The following CYP4X1 variants were observed in gnomAD, a reference collection of about 807,000 sequenced individuals.
CYP4X1 encodes the protein cytochrome P450 4X1.
Under a neutral mutation model 57.9 loss-of-function variants are expected in CYP4X1, and 44 were observed. That is an observed-to-expected ratio of 0.76 (90% confidence interval 0.60 to 0.98). The LOEUF (loss-of-function observed/expected upper bound fraction) is 0.98, where lower values mean the gene tolerates loss of function less well. Among genes scored for constraint, CYP4X1 ranks in the 50% least tolerant of loss-of-function variants. The pLI, the probability that CYP4X1 is intolerant of heterozygous loss-of-function variation, is 0.00. For synonymous variants in CYP4X1, 227 were observed against 228.6 expected, an observed-to-expected ratio of 0.99 and a Z score of 0.06; for missense variants, 532 against 623.9, an observed-to-expected ratio of 0.85 and a Z score of 1.57.
chr1:46,969,251 T>C, the CYP4X1 span, among the ~76,000 whole-genome samples: 1 of 152,178 alleles, frequency 6.6e-6, no homozygotes, highest in Admixed American at 6.5e-5. Flanking sequence ...TTGCCGTGAG[T>C]GAAAACTTAC....
rs113585181 is a variant in CYP4X1, at chr1:47,049,822, C to G, written c.1356-178C>G. Among the ~76,000 whole-genome samples the G allele has an allele frequency of 1.6e-3, 247 of 152,272 alleles. 1 individual carries two copies. Among genetic ancestry groups the G allele is most frequent in the African/African-American group, 5.7e-3 (238 of 41,556 alleles). ...TTATAGGGAAGGCATCATGTTGGAGCCTCCCAGCTCAAATTCTCACAGTGA... is the reference window on the plus strand; with the variant it reads ...TTATAGGGAAGGCATCATGTTGGAGGCTCCCAGCTCAAATTCTCACAGTGA... On this transcript the variant is annotated intron_variant, in intron 11 of 11. Transcript: ENST00000371901.
At chr1:47,042,136 T>C (rs2202222) in intron 8 of CYP4X1, among the ~76,000 whole-genome samples, 10,983 of 152,180 alleles carry the variant, frequency 0.072, 520 homozygotes, top group East Asian at 0.22. Context: ...TTAGTTTATA[T>C]GTCTCTTTTT....
chr1:47,042,385 C>T (rs780177908), intron 8 of CYP4X1, among the ~76,000 whole-genome samples: 26 of 151,124 alleles, frequency 1.7e-4, no homozygotes, highest in Non-Finnish European at 3.4e-4. Context: ...AGTATTAATG[C>T]TTCCAATTAA....
chr1:46,984,404 A>G, the CYP4X1 span, among the ~76,000 whole-genome samples: 5 of 142,718 alleles, frequency 3.5e-5, no homozygotes, highest in Admixed American at 7.0e-5. Context: ...AAAAAAAACC[A>G]GGAGAGGCTG....
the CYP4X1 span, among the ~76,000 whole-genome samples, chr1:46,987,929 G>C: frequency 1.3e-5 from 2 of 152,152 alleles, no homozygotes; most frequent in African/African-American, 4.8e-5. Context: ...ACAAGAGAAA[G>C]TAGAAAAGAT....
At position 47,035,902 on chromosome 1, in the gene CYP4X1, T is replaced by C; in HGVS notation, c.589T>C (p.Phe197Leu). The C allele has an allele frequency of 6.2e-7, 1 of 1,613,688 alleles. No individual in the cohort carries two copies. The highest frequency in any genetic ancestry group is 1.1e-5 in the South Asian group (1 of 91,044). The change falls in exon 5 of 12, where the codon TTC becomes CTC. Residue 197 changes from phenylalanine to leucine, a missense_variant. Coordinates refer to ENST00000371901, the MANE Select transcript of CYP4X1 (RefSeq NM_178033.2). ...TCTGGATATAATCATGAAATGCGCT[T>C]TCAGCAAGGAGACCAACTGCCAGAC... ...MSLDIIMKCA[F>L]SKETNCQTNS... is the part of the protein sequence containing the mutation.
In CYP4X1 at chr1:47,039,463, A is replaced by G; in HGVS notation, c.1004A>G (p.Asn335Ser). The change falls in exon 8 of 12, where the codon AAC becomes AGC. Residue 335 changes from asparagine to serine, a missense_variant. Physicochemically the swap from Asn to Ser is conservative, Grantham distance 46. Transcript: ENST00000371901. ...ISWILYCLAL[N>S]PEHQERCREE... ...TGGATCCTTTACTGCCTGGCTCTGA[A>G]CCCTGAGCATCAAGAGAGATGCCGG... The G allele has an allele frequency of 1.9e-6, 3 of 1,613,464 alleles. No homozygotes were observed. Among genetic ancestry groups the G allele is most frequent in the Non-Finnish European group, 2.5e-6 (3 of 1,179,722 alleles).
At chr1:47,039,698 CTT>C (rs1449870625) in intron 8 of CYP4X1, 166 bp downstream of exon 8, 15 of 424,034 alleles carry the variant, frequency 3.5e-5, no homozygotes, top group Admixed American at 3.2e-4. Flanking sequence ...AAATTATTCT[CTT>C]GTCTTTCAGG....
chr1:46,995,494 G>A, the CYP4X1 span, among the ~76,000 whole-genome samples: 42 of 152,022 alleles, frequency 2.8e-4, no homozygotes, highest in Admixed American at 2.7e-3. Flanking sequence ...AGCAAGGGAT[G>A]GGACATTTTA....
At chr1:47,007,394 C>G in the CYP4X1 span, among the ~76,000 whole-genome samples, 1 of 152,196 alleles carries the variant, frequency 6.6e-6, no homozygotes, top group African/African-American at 2.4e-5. Flanking sequence ...AACCAACAAA[C>G]AGAAAGGACA....
chr1:46,983,647 G>C, the CYP4X1 span, among the ~76,000 whole-genome samples: 2 of 152,162 alleles, frequency 1.3e-5, no homozygotes, highest in African/African-American at 4.8e-5. Context: ...AAAACAGTCT[G>C]GGCACATTTC....
At chr1:47,036,208 T>C in intron 6 of CYP4X1, 37 bp downstream of exon 6, 1 of 1,579,704 alleles carries the variant, frequency 6.3e-7, no homozygotes, top group South Asian at 1.2e-5. Context: ...GTCCATACGC[T>C]GCCATGATTG....
chr1:46,999,936 T>C, the CYP4X1 span, among the ~76,000 whole-genome samples: 1 of 152,038 alleles, frequency 6.6e-6, no homozygotes, highest in Non-Finnish European at 1.5e-5. Context: ...AGTTAAGACT[T>C]TGTGGGATGA....
Position 47,036,018 on chromosome 1 carries a change from A to C in CYP4X1, c.622A>C (p.Thr208Pro). ...CATTATCCCAACTTTCTCTTCTAGC[A>C]CCCATGATCCTTATGCAAAAGCCAT... Reference protein sequence around the residue: ...SKETNCQTNSTHDPYAKAIFE... With the variant: ...SKETNCQTNSPHDPYAKAIFE... Residue 208 changes from threonine to proline, a missense_variant and splice_region_variant, in exon 6 of 12, where the codon ACC becomes CCC. Transcript: ENST00000371901. 6.2e-7 allele frequency: 1 copy of C among 1,610,716 alleles called. No homozygotes were observed. The highest frequency in any genetic ancestry group is 8.5e-7 in the Non-Finnish European group (1 of 1,177,736).
At position 47,033,336 on chromosome 1, in the gene CYP4X1, G is replaced by A. The variant is rs775596506; in HGVS notation, c.460G>A (p.Glu154Lys). 7 of 1,613,696 alleles carry A rather than the reference G, an allele frequency of 4.3e-6. No homozygotes were observed. The African/African-American group carries it at 9.3e-5, about 22-fold the overall frequency. ...FHFNILKAYIEVMAHSVKMML... is the reference protein window; with the variant it reads ...FHFNILKAYIKVMAHSVKMML... Reference sequence around the variant, plus strand: ...TTTTAACATCCTGAAAGCATACATTGAGGTGATGGCTCATTCTGTGAAAAT... The same window carrying A: ...TTTTAACATCCTGAAAGCATACATTAAGGTGATGGCTCATTCTGTGAAAAT... The change falls in exon 4 of 12, where the codon GAG (glutamate) becomes AAG (lysine). Residue 154 changes from glutamate to lysine, a missense_variant. By Grantham distance (56) the Glu-to-Lys change is moderately conservative. Transcript: ENST00000371901.
chr1:46,976,021 C>T, the CYP4X1 span, among the ~76,000 whole-genome samples: 2 of 152,022 alleles, frequency 1.3e-5, no homozygotes, highest in Admixed American at 6.5e-5. Context: ...TGCAGCTTCT[C>T]GTGTGATCGA....
the CYP4X1 span, among the ~76,000 whole-genome samples, chr1:47,014,390 A>G: frequency 6.6e-6 from 1 of 152,120 alleles, no homozygotes; most frequent in Non-Finnish European, 1.5e-5. Flanking sequence ...GGAAATAGAG[A>G]GAGGAGGAGA....
At chr1:47,053,473 GA>G (rs1300877399), downstream of CYP4X1, among the ~76,000 whole-genome samples, 2 of 152,282 alleles carry the variant, frequency 1.3e-5, no homozygotes, top group East Asian at 3.9e-4. Context: ...TCTAGTTCTA[GA>G]TCCCTGAGGA....
rs778035980 is a variant in CYP4X1 at position 47,036,265 on chromosome 1, A to C, written c.775+94A>C. On this transcript the variant is annotated intron_variant, in intron 6 of 11. Transcript: ENST00000371901. Reference sequence around the variant, plus strand: ...TAAACCTTAATATGACAAGAGAAAGAATCTTTGTTATTAATGGAGCTTTTA... The same window carrying C: ...TAAACCTTAATATGACAAGAGAAAGCATCTTTGTTATTAATGGAGCTTTTA... 44 of 1,383,210 alleles carry C rather than the reference A, an allele frequency of 3.2e-5. 1 individual carries two copies. Among genetic ancestry groups the C allele is most frequent in the Non-Finnish European group, 4.1e-5 (44 of 1,061,444 alleles). The allele number at this position is 1,383,210 out of a possible 1,614,324, so 85.7% of individuals were successfully genotyped here. A position where few individuals can be genotyped will look rare whatever the true frequency, so the allele number is the denominator to read the frequency against.
Sources: gnomAD v4.1 joint callset for allele counts (sites outside exome capture counted in the v4.1 genomes callset) on GRCh38, gnomAD v4.1.1 for gene constraint, MANE v1.5 for transcripts, NCBI Gene and HGNC (gene_info 2026-07-23, HGNC 2026-07-21) for gene names.